Variants in KATNA1 observed in about 807,000 individuals in gnomAD.
KATNA1 encodes katanin p60 ATPase-containing subunit A1.
In KATNA1, 42 loss-of-function variants were observed where a neutral mutation model predicts 62.6. That is an observed-to-expected ratio of 0.67 (90% CI 0.52 to 0.87). The LOEUF (loss-of-function observed/expected upper bound fraction) is 0.87. Ranked by LOEUF, KATNA1 falls within the 40% of genes least tolerant of loss-of-function variation. KATNA1 has a pLI of 0.00. For synonymous variants in KATNA1, 186 were observed against 201.9 expected, an observed-to-expected ratio of 0.92 and a Z score of 0.67; for missense variants, 498 against 612.5, an observed-to-expected ratio of 0.81 and a Z score of 1.97.
At chr6:149,625,712 T>C (rs1779578882) in intron 3 of KATNA1, among the ~76,000 whole-genome samples, 1 of 151,960 alleles carries the variant, frequency 6.6e-6, no homozygotes. Flanking sequence ...GGCAGGTGGA[T>C]CACCTGAGGT....
intron 2 of KATNA1, among the ~76,000 whole-genome samples, chr6:149,637,924 G>A (rs9688861): frequency 1.3e-5 from 2 of 151,778 alleles, no homozygotes; most frequent in Non-Finnish European, 2.9e-5. Flanking sequence ...ATAATAAAGT[G>A]TCAAGTAATA....
chr6:149,610,639 G>C (rs1778914366), intron 4 of KATNA1, among the ~76,000 whole-genome samples: 1 of 152,140 alleles, frequency 6.6e-6, no homozygotes, highest in Non-Finnish European at 1.5e-5. Flanking sequence ...GGCTATCAAA[G>C]AACACACTGA....
At chr6:149,624,052 T>C (rs1259439542) in intron 3 of KATNA1, among the ~76,000 whole-genome samples, 3 of 152,178 alleles carry the variant, frequency 2.0e-5, no homozygotes, top group Non-Finnish European at 4.4e-5. Flanking sequence ...TATTCAAAAT[T>C]CTGGGGACCA....
intron 2 of KATNA1, among the ~76,000 whole-genome samples, chr6:149,635,072 C>T (rs756133605): frequency 4.0e-5 from 6 of 151,202 alleles, no homozygotes; most frequent in African/African-American, 1.2e-4. Flanking sequence ...GGAATCTTGA[C>T]GCAATTTAAA....
intron 4 of KATNA1, among the ~76,000 whole-genome samples, chr6:149,616,257 A>C (rs182909681): frequency 6.1e-4 from 93 of 152,310 alleles, no homozygotes; most frequent in Admixed American, 3.3e-3. Flanking sequence ...AAAAAAGTCA[A>C]CTATATTATT....
chr6:149,641,238 A>T (rs1780273316), intron 1 of KATNA1, among the ~76,000 whole-genome samples: 1 of 140,192 alleles, frequency 7.1e-6, no homozygotes, highest in South Asian at 2.3e-4. Context: ...GTGCGGTGGC[A>T]TGTTCTCGGC....
Position 149,638,406 on chromosome 6 carries a change from G to A in KATNA1, c.142C>T (p.Leu48Phe). ...KYLYSVKDTY[L>F]QQKWQQVWQE... ...CTCACCTGTTGCCATTTCTGCTGGA[G>A]GTATGTATCTTTGACTGAGTACAGA... The change falls in exon 2 of 11, where the codon CTC (leucine) becomes TTC (phenylalanine). Residue 48 changes from leucine to phenylalanine, a missense_variant. This residue lies in a region of KATNA1 where 203 missense variants were observed against 198.4 expected (regional missense o/e 1.02). Coordinates refer to ENST00000367411, the MANE Select transcript of KATNA1 (RefSeq NM_007044.4). 6.2e-7 allele frequency: 1 copy of A among 1,613,432 alleles called. No homozygotes were observed. The highest frequency in any genetic ancestry group is 8.5e-7 in the Non-Finnish European group (1 of 1,179,810).
At chr6:149,597,218 A>C in intron 9 of KATNA1, 29 bp from the exon 10 acceptor site, 1 of 1,608,642 alleles carries the variant, frequency 6.2e-7, no homozygotes, top group South Asian at 1.1e-5. Context: ...TTTAAAATGT[A>C]AGCCTGCAGC....
In KATNA1 at chr6:149,613,104, C is replaced by T. The variant is rs1033293918; in HGVS notation, c.502-8322G>A. On this transcript the variant is annotated intron_variant, in intron 4 of 10. Transcript: ENST00000367411. ...CTGAGGCAGGAGAATGGCGTGAACC[C>T]GGGAGGCGGAGCTTGCAGTGAGTGG... 6.0e-4 allele frequency among the ~76,000 whole-genome samples: 81 copies of T among 135,604 alleles called. 1 individual carries two copies. Among genetic ancestry groups the T allele is most frequent in the African/African-American group, 9.8e-4 (36 of 36,790 alleles). The allele number at this position is 135,604 out of a possible 152,430, so 89.0% of individuals were successfully genotyped here. A position where few individuals can be genotyped will look rare whatever the true frequency, so the allele number is the denominator to read the frequency against.
chr6:149,641,032 G>A (rs1044013002), intron 1 of KATNA1, among the ~76,000 whole-genome samples: 3 of 151,694 alleles, frequency 2.0e-5, no homozygotes, highest in African/African-American at 7.3e-5. Context: ...CAACACGCCT[G>A]GCTAATTTTG....
intron 4 of KATNA1, among the ~76,000 whole-genome samples, chr6:149,609,792 G>C (rs1478384907): frequency 2.1e-5 from 1 of 46,858 alleles, no homozygotes; most frequent in East Asian, 5.2e-3. Flanking sequence ...GACAGAGCTA[G>C]ACTCCATCTC....
chr6:149,632,994 G>C (rs879699799), intron 2 of KATNA1, 78 bp from the exon 3 acceptor site: 45 of 1,116,212 alleles, frequency 4.0e-5, no homozygotes, highest in Admixed American at 2.8e-4. Context: ...CCATTTACTA[G>C]AGATGTTACA....
At position 149,618,155 on chromosome 6, in the gene KATNA1, G is replaced by GAAA. The variant is rs548492724; in HGVS notation, c.501+4945_501+4947dup. ...GGTGACAGAGCAAGACTCCATCTCA[G>GAAA]AAAAAAAAAAAAAAGGAAAAAGAAA... On this transcript the variant is annotated intron_variant, in intron 4 of 10. Coordinates refer to ENST00000367411, the MANE Select transcript of KATNA1 (RefSeq NM_007044.4). Among the ~76,000 whole-genome samples, 212 of 88,002 alleles carry GAAA rather than the reference G, an allele frequency of 2.4e-3. 1 individual carries two copies. The highest frequency in any genetic ancestry group is 8.3e-3 in the African/African-American group (197 of 23,860). The allele number at this position is 88,002 out of a possible 152,430, so 57.7% of individuals were successfully genotyped here.
At chr6:149,634,456 G>GA (rs982333776) in intron 2 of KATNA1, among the ~76,000 whole-genome samples, 2 of 151,642 alleles carry the variant, frequency 1.3e-5, no homozygotes, top group African/African-American at 2.4e-5. Context: ...GCCCAAGGGG[G>GA]AAAAAAAACC....
intron 5 of KATNA1, 56 bp from the exon 6 acceptor site, chr6:149,603,429 C>A: frequency 2.5e-6 from 2 of 815,646 alleles, no homozygotes; most frequent in South Asian, 3.2e-5. Flanking sequence ...TCTATGCAGT[C>A]ACTCTTGAGA....
At chr6:149,608,421 C>T (rs1421058645) in intron 4 of KATNA1, among the ~76,000 whole-genome samples, 1 of 152,168 alleles carries the variant, frequency 6.6e-6, no homozygotes, top group Non-Finnish European at 1.5e-5. Context: ...CCAACAGAAG[C>T]TTGCTCTTTC....
intron 5 of KATNA1, among the ~76,000 whole-genome samples, chr6:149,603,624 G>A (rs1778631808): frequency 6.6e-6 from 1 of 152,126 alleles, no homozygotes; most frequent in African/African-American, 2.4e-5. Context: ...ATAGTCTACA[G>A]GCACACTCTT....
At chr6:149,647,636 C>T (rs953720112) in intron 1 of KATNA1, among the ~76,000 whole-genome samples, 4 of 149,790 alleles carry the variant, frequency 2.7e-5, no homozygotes, top group African/African-American at 9.8e-5. Flanking sequence ...TCTGTCTTAA[C>T]ATCTACTAAG....
intron 9 of KATNA1, 155 bp downstream of exon 9, chr6:149,597,352 A>G: frequency 8.7e-7 from 1 of 1,148,198 alleles, no homozygotes; most frequent in Non-Finnish European, 1.2e-6. Context: ...ATTCCTTACT[A>G]TTTAGTATTA....
Sources: gnomAD v4.1 joint callset for allele counts (sites outside exome capture counted in the v4.1 genomes callset) on GRCh38, gnomAD v4.1.1 for gene constraint, gnomAD v4.1.1 regional missense constraint, MANE v1.5 for transcripts, NCBI Gene and HGNC (gene_info 2026-07-23, HGNC 2026-07-21) for gene names.